The following STX5 variants were observed in gnomAD, a reference collection of about 807,000 sequenced individuals.
The protein encoded by STX5 is syntaxin-5.
Under a neutral mutation model 42.9 loss-of-function variants are expected in STX5, and 15 were observed. That is an observed-to-expected ratio of 0.35 (90% CI 0.23 to 0.54). STX5 has a LOEUF of 0.54. Among genes scored for constraint, STX5 ranks in the 20% least tolerant of loss-of-function variants. The pLI, the probability that STX5 is intolerant of heterozygous loss-of-function variation, is 0.91. For synonymous variants in STX5, 184 were observed against 173.2 expected (o/e 1.06, Z -0.49); for missense variants, 430 against 455.0 (o/e 0.95, Z 0.50).
chr11:62,813,746 T>C (rs1414678661), intron 10 of STX5, among the ~76,000 whole-genome samples: 1 of 152,178 alleles, frequency 6.6e-6, no homozygotes, highest in African/African-American at 2.4e-5. Flanking sequence ...TCCTCTCCTC[T>C]ACTGGCTTTT....
chr11:62,808,675 G>T (rs2084581025), intron 10 of STX5, among the ~76,000 whole-genome samples: 1 of 152,192 alleles, frequency 6.6e-6, no homozygotes, highest in South Asian at 2.1e-4. Flanking sequence ...GCGGATGCAT[G>T]GATTTTGGTT....
At chr11:62,825,237 A>T in intron 7 of STX5, 46 bp downstream of exon 7, 1 of 1,613,288 alleles carries the variant, frequency 6.2e-7, no homozygotes, top group Non-Finnish European at 8.5e-7. Context: ...TCCCTCTTGG[A>T]TCTTTACTCC....
chr11:62,831,115 G>A lies in STX5; in HGVS notation c.129C>T (p.Pro43=), dbSNP rs370048912. The A allele has an allele frequency of 1.0e-4, 157 of 1,554,670 alleles. No individual in the cohort carries two copies. Among genetic ancestry groups the A allele is most frequent in the South Asian group, 1.9e-4 (16 of 84,454 alleles). ...GAGGGGGAGGGACGAGGGTCACTGG[G>A]GGGGGCAGAGGGGCGATGTCGCTGC... ...SSSSDIAPLP[P]PVTLVPPPPD... is the part of the protein sequence containing the mutation. Residue 43 remains proline (P), a synonymous_variant, in exon 2 of 11, where the codon CCC becomes CCT. Coordinates refer to ENST00000294179, the MANE Select transcript of STX5 (RefSeq NM_003164.5).
intron 10 of STX5, among the ~76,000 whole-genome samples, chr11:62,817,387 C>T (rs1268076880): frequency 2.0e-5 from 3 of 152,158 alleles, no homozygotes. Context: ...TCCTATTATA[C>T]CAATCATTCC....
chr11:62,817,854 G>A (rs1012458614), intron 10 of STX5, among the ~76,000 whole-genome samples: 1 of 152,106 alleles, frequency 6.6e-6, no homozygotes, highest in Non-Finnish European at 1.5e-5. Context: ...TATTATATAA[G>A]ACATGTACCT....
At chr11:62,812,073 C>CTTTT (rs1192177705) in intron 10 of STX5, among the ~76,000 whole-genome samples, 20 of 113,786 alleles carry the variant, frequency 1.8e-4, no homozygotes, top group African/African-American at 2.2e-4. Flanking sequence ...ACTCAAATAC[C>CTTTT]TTTTTTTTTT....
intron 1 of STX5, 22 bp downstream of exon 1, chr11:62,831,932 C>G (rs759684343): frequency 2.2e-5 from 10 of 458,462 alleles, no homozygotes; most frequent in Non-Finnish European, 4.4e-5. Context: ...GCGGCCAGAT[C>G]CCCTCTTAAA....
chr11:62,827,023 C>T, intron 5 of STX5, 132 bp downstream of exon 5: 1 of 744,170 alleles, frequency 1.3e-6, no homozygotes, highest in South Asian at 1.8e-5. Flanking sequence ...ACACTCCAGA[C>T]TGGTCAACAC....
At position 62,831,136 on chromosome 11, in the gene STX5, G is replaced by C; in HGVS notation, c.108C>G (p.Ser36Arg). Residue 36 changes from serine (S) to arginine (R), a missense_variant, in exon 2 of 11, where the codon AGC (serine) becomes AGG (arginine). Ser to Arg is a moderately radical substitution (Grantham distance 110). Transcript: ENST00000294179. ...LSPATAGSSS[S>R]DIAPLPPPVT... ...CTGGGGGGGGCAGAGGGGCGATGTCGCTGCTGCTACTGCCAGCAGTTGCAG... is the reference window on the plus strand; with the variant it reads ...CTGGGGGGGGCAGAGGGGCGATGTCCCTGCTGCTACTGCCAGCAGTTGCAG... 1.3e-6 allele frequency: 2 copies of C among 1,556,284 alleles called. No homozygotes were observed. The highest frequency in any genetic ancestry group is 1.7e-6 in the Non-Finnish European group (2 of 1,149,774).
intron 8 of STX5, among the ~76,000 whole-genome samples, 179 bp downstream of exon 8, chr11:62,824,857 T>C (rs2084777397): frequency 6.6e-6 from 1 of 152,260 alleles, no homozygotes; most frequent in Non-Finnish European, 1.5e-5. Flanking sequence ...ACAGTGAGAA[T>C]GTGGGAGTCT....
chr11:62,816,422 A>G (rs1055285798), intron 10 of STX5, among the ~76,000 whole-genome samples: 2 of 152,086 alleles, frequency 1.3e-5, no homozygotes, highest in African/African-American at 4.8e-5. Context: ...AGCTAGGACT[A>G]CAGGCATGTC....
chr11:62,825,670 T>A (rs991541628), intron 5 of STX5, 131 bp from the exon 6 acceptor site: 1 of 807,896 alleles, frequency 1.2e-6, no homozygotes, highest in South Asian at 1.6e-5. Flanking sequence ...TCTCAGACAG[T>A]CAGACCAGAT....
At chr11:62,809,744 A>G (rs1028807109) in intron 10 of STX5, among the ~76,000 whole-genome samples, 4 of 149,940 alleles carry the variant, frequency 2.7e-5, no homozygotes, top group African/African-American at 4.9e-5. Flanking sequence ...TATTATTAGC[A>G]TGCTGTAGTA....
At chr11:62,815,531 G>A (rs551805885) in intron 10 of STX5, among the ~76,000 whole-genome samples, 5 of 150,624 alleles carry the variant, frequency 3.3e-5, no homozygotes, top group Admixed American at 1.3e-4. Context: ...GGATAACGGC[G>A]TGGTTTTTTT....
chr11:62,808,885 A>G (rs528938015), intron 10 of STX5, among the ~76,000 whole-genome samples: 1 of 152,364 alleles, frequency 6.6e-6, no homozygotes, highest in Non-Finnish European at 1.5e-5. Context: ...AAACAAGTTG[A>G]TGTCATGAAA....
intron 10 of STX5, among the ~76,000 whole-genome samples, chr11:62,808,925 C>T (rs374254887): frequency 9.9e-5 from 15 of 152,252 alleles, no homozygotes; most frequent in African/African-American, 3.6e-4. Flanking sequence ...TGAAGACACA[C>T]ATCAAATACA....
intron 5 of STX5, among the ~76,000 whole-genome samples, chr11:62,825,785 G>A (rs2084789212): frequency 6.6e-6 from 1 of 152,048 alleles, no homozygotes; most frequent in African/African-American, 2.4e-5. Flanking sequence ...TAAATAACTT[G>A]TTTACTCCTC....
rs766783163 is a variant in STX5 at position 62,824,498 on chromosome 11, G to C, written c.747C>G (p.Asp249Glu). The change falls in exon 9 of 11, where the codon GAC becomes GAG. Residue 249 changes from aspartate to glutamate, a missense_variant. Transcript: ENST00000294179. ...ASKDVAIDMMDSRTSQQLQLI... is the reference protein window; with the variant it reads ...ASKDVAIDMMESRTSQQLQLI... Reference sequence around the variant, plus strand: ...GCTGCAGCTGCTGGCTGGTCCGAGAGTCCATCATGTCGATGGCGACATCCT... The same window carrying C: ...GCTGCAGCTGCTGGCTGGTCCGAGACTCCATCATGTCGATGGCGACATCCT... 6.2e-7 allele frequency: 1 copy of C among 1,614,188 alleles called. No homozygotes were observed. The highest frequency in any genetic ancestry group is 2.2e-5 in the East Asian group (1 of 44,878).
At chr11:62,831,345 A>C in intron 1 of STX5, 83 bp from the exon 2 acceptor site, 1 of 1,046,184 alleles carries the variant, frequency 9.6e-7, no homozygotes, top group Non-Finnish European at 1.4e-6. Context: ...CAAATCCCCG[A>C]GCCCCTTCTG....
Sources: gnomAD v4.1 joint callset for allele counts (sites outside exome capture counted in the v4.1 genomes callset) on GRCh38, gnomAD v4.1.1 for gene constraint, MANE v1.5 for transcripts, NCBI Gene and HGNC (gene_info 2026-07-23, HGNC 2026-07-21) for gene names.